FBN1: variants seen among roughly 807,000 people sequenced by gnomAD.
FBN1 encodes the protein fibrillin 1.
A neutral mutation model predicts 365.1 loss-of-function variants in FBN1; 29 were observed. That is an observed-to-expected ratio of 0.08 (90% CI 0.06 to 0.11). The LOEUF is 0.11. Ranked by LOEUF, FBN1 falls within the 10% of genes least tolerant of loss-of-function variation. The pLI is 1.00. For synonymous variants in FBN1, 1,210 were observed against 1,270.5 expected (o/e 0.95, Z 1.01); for missense variants, 2,476 against 3,703.2 (o/e 0.67, Z 8.60).
chr15:48,410,911 T>A lies in FBN1; in HGVS notation c.*79A>T. ...GTGAAAGATTGTACCTATGATATGA[T>A]GATTCTGATTGGGGGAAAATATAGT... On this transcript the variant is annotated 3_prime_UTR_variant, in exon 66 of 66. Transcript: ENST00000316623. 1 of 1,307,096 alleles carries A rather than the reference T, an allele frequency of 7.7e-7. No individual in the cohort carries two copies. Among genetic ancestry groups the A allele is most frequent in the Non-Finnish European group, 1.1e-6 (1 of 925,560 alleles). 81.0% of individuals were successfully genotyped at this position (1,307,096 alleles called of 1,614,324 possible). A position where few individuals can be genotyped will look rare whatever the true frequency, so the allele number is the denominator to read the frequency against.
In FBN1 at chr15:48,586,376, G is replaced by A. The variant is rs567291653; in HGVS notation, c.538+9907C>T. ...GGGGCTGGCCTCCTACAGTCAGGAA[G>A]TGACTGGGGAGAGAATGAGACTTAA... is the stretch of plus-strand genomic sequence containing the variant. On this transcript the variant is annotated intron_variant, in intron 6 of 65. Coordinates refer to ENST00000316623, the MANE Select transcript of FBN1 (RefSeq NM_000138.5). Among the ~76,000 whole-genome samples the A allele has an allele frequency of 3.3e-5, 5 of 152,286 alleles. No individual in the cohort carries two copies. The East Asian group carries it at 9.6e-4, about 29-fold the overall frequency.
intron 4 of FBN1, among the ~76,000 whole-genome samples, chr15:48,605,745 T>G (rs917495691): frequency 1.3e-5 from 2 of 152,054 alleles, no homozygotes; most frequent in Non-Finnish European, 2.9e-5. Flanking sequence ...CATGGTGGTG[T>G]GCCCCTGTAG....
chr15:48,598,770 C>A (rs550976789), intron 5 of FBN1, among the ~76,000 whole-genome samples: 49 of 152,318 alleles, frequency 3.2e-4, no homozygotes, highest in African/African-American at 1.1e-3. Context: ...CAAAACTCAA[C>A]CAATATTCTT....
At chr15:48,439,387 G>C (rs936312705) in intron 50 of FBN1, among the ~76,000 whole-genome samples, 1 of 152,158 alleles carries the variant, frequency 6.6e-6, no homozygotes, top group African/African-American at 2.4e-5. Context: ...TCAATCCTGC[G>C]GCATCTCTGC....
intron 53 of FBN1, among the ~76,000 whole-genome samples, chr15:48,436,587 A>C (rs911591542): frequency 2.0e-5 from 3 of 152,224 alleles, no homozygotes; most frequent in Admixed American, 2.0e-4. Context: ...AATCCAGATA[A>C]AATTTTTATT....
intron 51 of FBN1, 98 bp downstream of exon 51, chr15:48,437,666 AAATT>A: frequency 8.3e-7 from 1 of 1,199,316 alleles, no homozygotes; most frequent in Non-Finnish European, 1.2e-6. Context: ...ACTTACAATT[AAATT>A]AAATTGTGTT....
chr15:48,631,234 GAACA>G (rs141346326), intron 2 of FBN1, among the ~76,000 whole-genome samples: 2,204 of 152,210 alleles, frequency 0.014, 48 homozygotes, highest in African/African-American at 0.051. Flanking sequence ...AGAAGAAGAA[GAACA>G]AATAAGAATC....
rs1555403283 is a variant in FBN1, at chr15:48,568,049, G to GAAGAAAGAAAGAAAGAAAGA, written c.538+28214_538+28233dup. ...AGAAAGAAAGAAAGAAAGAAAGAAA[G>GAAGAAAGAAAGAAAGAAAGA]AAGAAAGAAAGAAAGAAAGAAAGAA... On this transcript the variant is annotated intron_variant, in intron 6 of 65. Transcript: ENST00000316623. Among the ~76,000 whole-genome samples the GAAGAAAGAAAGAAAGAAAGA allele has an allele frequency of 2.2e-3, 90 of 40,126 alleles. 3 individuals carry two copies. Among genetic ancestry groups the GAAGAAAGAAAGAAAGAAAGA allele is most frequent in the African/African-American group, 0.01 (74 of 7,314 alleles). The allele number at this position is 40,126 out of a possible 152,430, so 26.3% of individuals were successfully genotyped here. A position where few individuals can be genotyped will look rare whatever the true frequency, so the allele number is the denominator to read the frequency against.
chr15:48,491,135 A>G (rs2043554811), intron 24 of FBN1, among the ~76,000 whole-genome samples: 1 of 152,236 alleles, frequency 6.6e-6, no homozygotes, highest in South Asian at 2.1e-4. Context: ...GATTCTCATT[A>G]AATACTGATT....
At chr15:48,571,001 T>C (rs1462919008) in intron 6 of FBN1, among the ~76,000 whole-genome samples, 1 of 152,086 alleles carries the variant, frequency 6.6e-6, no homozygotes, top group East Asian at 1.9e-4. Context: ...GAAAGCAGAG[T>C]TCACAAGCCC....
intron 6 of FBN1, among the ~76,000 whole-genome samples, chr15:48,584,426 T>C (rs1248492510): frequency 6.6e-6 from 1 of 152,230 alleles, no homozygotes; most frequent in Non-Finnish European, 1.5e-5. Context: ...ATGATTGTCA[T>C]GTGATACTGA....
At chr15:48,521,311 A>T (rs1205059940) in intron 9 of FBN1, among the ~76,000 whole-genome samples, 1 of 152,228 alleles carries the variant, frequency 6.6e-6, no homozygotes, top group Non-Finnish European at 1.5e-5. Flanking sequence ...AGAGTCAGAC[A>T]TAAGTTTTTG....
intron 6 of FBN1, among the ~76,000 whole-genome samples, chr15:48,550,238 G>A (rs576255495): frequency 6.6e-6 from 1 of 152,346 alleles, no homozygotes; most frequent in African/African-American, 2.4e-5. Context: ...CTTCAGCTAG[G>A]TTAGGAAGAG....
At chr15:48,470,220 G>A (rs763040023) in intron 36 of FBN1, among the ~76,000 whole-genome samples, 34 of 152,112 alleles carry the variant, frequency 2.2e-4, no homozygotes, top group Non-Finnish European at 3.5e-4. Flanking sequence ...TGGTGACCAC[G>A]AGCAGGGCAG....
In FBN1 at chr15:48,412,625, G is replaced by T; in HGVS notation, c.8170C>A (p.Pro2724Thr). 1 of 1,614,236 alleles carries T rather than the reference G, an allele frequency of 6.2e-7. No individual in the cohort carries two copies. Among genetic ancestry groups the T allele is most frequent in the Non-Finnish European group, 8.5e-7 (1 of 1,180,044 alleles). ...CTTCTCCGTTTCCTGCCCCGTTTGG[G>T]GTAGCCATTGATCTTACACTCGTAA... ...ACYECKINGY[P>T]KRGRKRRSTN... Residue 2724 changes from proline to threonine, a missense_variant, in exon 65 of 66, where the codon CCC becomes ACC. Coordinates refer to ENST00000316623, the MANE Select transcript of FBN1 (RefSeq NM_000138.5).
intron 6 of FBN1, among the ~76,000 whole-genome samples, chr15:48,557,401 T>C (rs1262561932): frequency 6.6e-6 from 1 of 152,186 alleles, no homozygotes; most frequent in Non-Finnish European, 1.5e-5. Context: ...TGATACATCC[T>C]GGTGCCAAGT....
chr15:48,643,220 T>C (rs1407187568), intron 2 of FBN1: 4 of 152,270 alleles, frequency 2.6e-5, no homozygotes, highest in African/African-American at 4.8e-5. Context: ...AGTCTACTTA[T>C]TGAACTTGCC....
chr15:48,489,982 A>T lies in FBN1; in HGVS notation c.2951T>A (p.Val984Asp). 11 of 1,614,072 alleles carry T rather than the reference A, an allele frequency of 6.8e-6. No individual in the cohort carries two copies. The highest frequency in any genetic ancestry group is 9.3e-6 in the Non-Finnish European group (11 of 1,180,000). The stretch of plus-strand genomic sequence containing the variant: ...TTCCTCAGTACCCCAGGCTGCCCCG[A>T]CGGAGCAGCAGCAGGCGTCCATGCG... ...RHRMDACCCS[V>D]GAAWGTEECE... Residue 984 changes from valine (V) to aspartate (D), a missense_variant, in exon 25 of 66, where the codon GTC (valine) becomes GAC (aspartate). Coordinates refer to ENST00000316623, the MANE Select transcript of FBN1 (RefSeq NM_000138.5).
chr15:48,557,600 A>G (rs1255476478), intron 6 of FBN1, among the ~76,000 whole-genome samples: 1 of 152,210 alleles, frequency 6.6e-6, no homozygotes, highest in Non-Finnish European at 1.5e-5. Context: ...CGTGTCAGCG[A>G]CAAAGTTGAG....
Sources: gnomAD v4.1 joint callset for allele counts (sites outside exome capture counted in the v4.1 genomes callset) on GRCh38, gnomAD v4.1.1 for gene constraint, MANE v1.5 for transcripts, NCBI Gene and HGNC (gene_info 2026-07-23, HGNC 2026-07-21) for gene names.